Variants in SLC25A13 observed in about 807,000 individuals in gnomAD.
SLC25A13 encodes solute carrier family 25 member 13.
In SLC25A13, 70 loss-of-function variants were observed where a neutral mutation model predicts 85.5. That is an observed-to-expected ratio of 0.82 (90% CI 0.68 to 1.00). The LOEUF (loss-of-function observed/expected upper bound fraction) is 1.00. Among genes scored for constraint, SLC25A13 ranks in the 50% least tolerant of loss-of-function variants. The pLI, the probability that SLC25A13 is intolerant of heterozygous loss-of-function variation, is 0.00. For missense variants in SLC25A13, 765 were observed against 819.8 expected (o/e 0.93, Z 0.82); for synonymous variants, 259 against 288.7 (o/e 0.90, Z 1.04).
chr7:96,211,635 G>T (rs143153798), intron 4 of SLC25A13, among the ~76,000 whole-genome samples: 1 of 152,198 alleles, frequency 6.6e-6, no homozygotes, highest in Non-Finnish European at 1.5e-5. Context: ...TGGCACAGTG[G>T]TAGGCAGAGA....
chr7:96,294,236 C>T (rs1401287635), intron 2 of SLC25A13, among the ~76,000 whole-genome samples: 3 of 148,576 alleles, frequency 2.0e-5, no homozygotes, highest in Non-Finnish European at 4.4e-5. Context: ...ACAATGAGAA[C>T]ACTTGGACAC....
At chr7:96,206,499 A>G (rs772513251) in intron 5 of SLC25A13, among the ~76,000 whole-genome samples, 1 of 152,164 alleles carries the variant, frequency 6.6e-6, no homozygotes, top group African/African-American at 2.4e-5. Flanking sequence ...AAGAAACCCA[A>G]TGGTAGACAT....
At chr7:96,298,733 A>C (rs79466415) in intron 1 of SLC25A13, among the ~76,000 whole-genome samples, 2 of 152,288 alleles carry the variant, frequency 1.3e-5, no homozygotes, top group Middle Eastern at 6.8e-3. Context: ...GTGCCCAGCC[A>C]TGAATTTTTA....
chr7:96,167,993 G>A (rs547152513), intron 13 of SLC25A13, among the ~76,000 whole-genome samples: 19 of 150,616 alleles, frequency 1.3e-4, no homozygotes, highest in Middle Eastern at 6.8e-3. Flanking sequence ...CCAGCTACTC[G>A]GGAGGCTGAG....
At position 96,171,508 on chromosome 7, in the gene SLC25A13, T is replaced by C. The variant is rs2301629; in HGVS notation, c.1194A>G (p.Leu398=). The C allele has an allele frequency of 0.37, 601,387 of 1,607,950 alleles. 116,632 individuals carry two copies. Among genetic ancestry groups the C allele is most frequent in the East Asian group, 0.57 (25,570 of 44,806 alleles). The change falls in exon 12 of 18, where the codon TTA becomes TTG. Residue 398 remains leucine (L), a synonymous_variant. Transcript: ENST00000265631. ...FGLYRGLLPQ[L]LGVAPEKAIK... is the part of the protein sequence containing the mutation. Reference sequence around the variant, plus strand: ...TGGCCTTCTCTGGGGCAACTCCCAATAACTGTGGCAACAGACCTAAAAATC... The same window carrying C: ...TGGCCTTCTCTGGGGCAACTCCCAACAACTGTGGCAACAGACCTAAAAATC...
chr7:96,231,561 C>A (rs1796540832), intron 4 of SLC25A13, among the ~76,000 whole-genome samples: 2 of 151,896 alleles, frequency 1.3e-5, no homozygotes, highest in South Asian at 4.1e-4. Context: ...CACGTCTCTA[C>A]TAAAAATACA....
intron 15 of SLC25A13, among the ~76,000 whole-genome samples, chr7:96,130,155 C>T (rs937990479): frequency 1.3e-5 from 2 of 152,010 alleles, no homozygotes; most frequent in African/African-American, 2.4e-5. Flanking sequence ...AATGGATTAC[C>T]TCCACAGAGA....
At chr7:96,223,766 C>T (rs1371155504) in intron 4 of SLC25A13, among the ~76,000 whole-genome samples, 2 of 129,716 alleles carry the variant, frequency 1.5e-5, no homozygotes, top group Admixed American at 9.2e-5. Context: ...CCAGCCGGGG[C>T]AACAGAGCGA....
At chr7:96,293,585 A>G (rs1191853530) in intron 2 of SLC25A13, among the ~76,000 whole-genome samples, 1 of 152,232 alleles carries the variant, frequency 6.6e-6, no homozygotes, top group African/African-American at 2.4e-5. Flanking sequence ...ACTCACAAGA[A>G]AAAAACAAAC....
intron 11 of SLC25A13, among the ~76,000 whole-genome samples, chr7:96,182,408 G>A (rs1187989961): frequency 6.6e-6 from 1 of 152,234 alleles, no homozygotes; most frequent in African/African-American, 2.4e-5. Context: ...CTGACAGACA[G>A]CTCTGTCTCT....
intron 5 of SLC25A13, among the ~76,000 whole-genome samples, chr7:96,197,497 C>A (rs1055937571): frequency 1.3e-5 from 2 of 152,122 alleles, no homozygotes; most frequent in Non-Finnish European, 1.5e-5. Flanking sequence ...TGGGAGCTAA[C>A]ACATAGGTTA....
At chr7:96,230,907 G>A (rs576342727) in intron 4 of SLC25A13, among the ~76,000 whole-genome samples, 1 of 152,254 alleles carries the variant, frequency 6.6e-6, no homozygotes, top group African/African-American at 2.4e-5. Flanking sequence ...TCAAGAGTTC[G>A]AGACCAGCTT....
intron 4 of SLC25A13, among the ~76,000 whole-genome samples, chr7:96,221,872 G>T (rs1796142364): frequency 1.3e-5 from 2 of 152,086 alleles, no homozygotes; most frequent in South Asian, 4.1e-4. Context: ...CTCAGAAAGG[G>T]TCCCTCCAAA....
intron 3 of SLC25A13, among the ~76,000 whole-genome samples, chr7:96,262,593 C>A (rs563973789): frequency 7.9e-5 from 12 of 152,198 alleles, no homozygotes. Context: ...AAGAGCCTCT[C>A]ATGGAGGTTT....
chr7:96,178,054 T>C (rs1794291811), intron 11 of SLC25A13, among the ~76,000 whole-genome samples: 2 of 152,152 alleles, frequency 1.3e-5, no homozygotes, highest in Admixed American at 6.5e-5. Context: ...ATGGTGCCCA[T>C]GTAGCAGGCA....
chr7:96,263,362 T>C (rs1445349392), intron 3 of SLC25A13, among the ~76,000 whole-genome samples: 1 of 152,052 alleles, frequency 6.6e-6, no homozygotes, highest in African/African-American at 2.4e-5. Context: ...GTGACCAAAA[T>C]CTCCTCCTCA....
chr7:96,316,329 T>C (rs1800124987), intron 1 of SLC25A13, among the ~76,000 whole-genome samples: 1 of 152,182 alleles, frequency 6.6e-6, no homozygotes, highest in Non-Finnish European at 1.5e-5. Flanking sequence ...CTGCAGGGAT[T>C]TGCGATCTGG....
intron 4 of SLC25A13, among the ~76,000 whole-genome samples, chr7:96,229,549 C>T (rs1255863513): frequency 6.6e-6 from 1 of 152,158 alleles, no homozygotes; most frequent in Non-Finnish European, 1.5e-5. Context: ...CACAATAAAT[C>T]TTGCTGCTGC....
In SLC25A13 at chr7:96,254,663, C is replaced by T. The variant is rs76484646; in HGVS notation, c.213-19746G>A. 9.4e-3 allele frequency among the ~76,000 whole-genome samples: 1,431 copies of T among 152,222 alleles called. 25 individuals carry two copies. Among genetic ancestry groups the T allele is most frequent in the African/African-American group, 0.033 (1,375 of 41,514 alleles). ...TATACTACATATATACACACACATA[C>T]ACACTCCCTCAAAGGAGCGTATATA... On this transcript the variant is annotated intron_variant, in intron 3 of 17. Transcript: ENST00000265631.
Sources: gnomAD v4.1 joint callset for allele counts (sites outside exome capture counted in the v4.1 genomes callset) on GRCh38, gnomAD v4.1.1 for gene constraint, MANE v1.5 for transcripts, NCBI Gene and HGNC (gene_info 2026-07-23, HGNC 2026-07-21) for gene names.